Variants in OGFOD3 observed in about 807,000 individuals in gnomAD.
The protein encoded by OGFOD3 is 2-oxoglutarate and iron-dependent oxygenase domain-containing protein 3.
A neutral mutation model predicts 39.8 loss-of-function variants in OGFOD3; 35 were observed. The observed-to-expected ratio is 0.88, with a 90% CI of 0.67 to 1.17. The LOEUF (loss-of-function observed/expected upper bound fraction) is 1.17. Among genes scored for constraint, OGFOD3 ranks in the 50% most tolerant of loss-of-function variants. The pLI, the probability that OGFOD3 is intolerant of heterozygous loss-of-function variation, is 0.00. For synonymous variants in OGFOD3, 200 were observed against 192.0 expected, an observed-to-expected ratio of 1.04 and a Z score of -0.34; for missense variants, 438 against 454.5, an observed-to-expected ratio of 0.96 and a Z score of 0.33.
intron 8 of OGFOD3, among the ~76,000 whole-genome samples, chr17:82,394,897 G>A (rs941342311): frequency 3.3e-5 from 5 of 152,158 alleles, no homozygotes; most frequent in Admixed American, 2.0e-4. Context: ...TGACACCCCC[G>A]AATATCATCA....
intron 8 of OGFOD3, chr17:82,393,735 C>T (rs898009779): frequency 5.9e-5 from 9 of 152,230 alleles, no homozygotes; most frequent in Admixed American, 2.6e-4. Flanking sequence ...CCTCAGTCGC[C>T]CATGCTCGTC....
intron 1 of OGFOD3, among the ~76,000 whole-genome samples, chr17:82,417,969 C>T (rs2053096565): frequency 1.3e-5 from 2 of 152,218 alleles, no homozygotes; most frequent in South Asian, 2.1e-4. Context: ...CTAAGCCATT[C>T]CTCCATGGCA....
intron 4 of OGFOD3, among the ~76,000 whole-genome samples, 178 bp downstream of exon 4, chr17:82,409,190 C>T (rs1248750348): frequency 1.3e-5 from 2 of 152,220 alleles, no homozygotes; most frequent in East Asian, 1.9e-4. Context: ...GAGGGGACGC[C>T]GCACGGGTTT....
intron 8 of OGFOD3, chr17:82,394,233 G>A (rs1354648296): frequency 1.8e-5 from 16 of 886,548 alleles, no homozygotes; most frequent in East Asian, 8.0e-5. Flanking sequence ...CTCATGACCC[G>A]CCCGTCTTGG....
chr17:82,397,030 G>C (rs925928862), intron 8 of OGFOD3, among the ~76,000 whole-genome samples: 1 of 152,192 alleles, frequency 6.6e-6, no homozygotes, highest in African/African-American at 2.4e-5. Flanking sequence ...GAGCAGCTGA[G>C]GGAGGCAGGA....
rs189851824 is a variant in OGFOD3 at position 82,402,349 on chromosome 17, C to T, written c.699+1588G>A. Reference sequence around the variant, plus strand: ...ACTTGGGAGGCTGGGGCAGGAGAACCGCTTGAACCCAGGAGGCGGAGGTTG... The same window carrying T: ...ACTTGGGAGGCTGGGGCAGGAGAACTGCTTGAACCCAGGAGGCGGAGGTTG... On this transcript the variant is annotated intron_variant, in intron 7 of 8. Transcript: ENST00000313056. 1.8e-3 allele frequency among the ~76,000 whole-genome samples: 266 copies of T among 151,444 alleles called. 2 individuals carry two copies. Among genetic ancestry groups the T allele is most frequent in the African/African-American group, 6.1e-3 (253 of 41,246 alleles).
At position 82,406,070 on chromosome 17, in the gene OGFOD3, C is replaced by T. The variant is rs1045084871; in HGVS notation, c.488+348G>A. On this transcript the variant is annotated intron_variant, in intron 5 of 8. Transcript: ENST00000313056. The surrounding 1 kb of genome is among the most constrained non-coding windows in gnomAD (Gnocchi z 5.2). The stretch of plus-strand genomic sequence containing the variant: ...TTTGCTCTCCCGGCCCCTCATGGAG[C>T]GTCAAAGGCCCCGTTGGATTCTTGG... Among the ~76,000 whole-genome samples the T allele has an allele frequency of 2.0e-5, 3 of 152,170 alleles. No homozygotes were observed. Among genetic ancestry groups the T allele is most frequent in the Admixed American group, 6.5e-5 (1 of 15,278 alleles).
Position 82,406,749 on chromosome 17 carries a change from T to C in OGFOD3, c.424-267A>G, listed in dbSNP as rs1021054451. On this transcript the variant is annotated intron_variant, in intron 4 of 8. Transcript: ENST00000313056. The surrounding 1 kb of genome is among the most constrained non-coding windows in gnomAD (Gnocchi z 5.2). Reference sequence around the variant, plus strand: ...CCCTCTGCCTCCCAAGTAAAGGCGCTCGCCACCACACCTGGCTAATTTTTC... The same window carrying C: ...CCCTCTGCCTCCCAAGTAAAGGCGCCCGCCACCACACCTGGCTAATTTTTC... Among the ~76,000 whole-genome samples the C allele has an allele frequency of 6.6e-6, 1 of 152,090 alleles. No homozygotes were observed. Among genetic ancestry groups the C allele is most frequent in the Non-Finnish European group, 1.5e-5 (1 of 68,004 alleles).
In OGFOD3 at chr17:82,392,264, C is replaced by G. The variant is rs934824900; in HGVS notation, c.*134G>C. On this transcript the variant is annotated 3_prime_UTR_variant, in exon 9 of 9. Transcript: ENST00000313056. This position sits in a 1 kb window ranked among gnomAD's most constrained non-coding sequence, Gnocchi z 4.2. ...TTACTCACAGATGAAAAGATTAACA[C>G]GTCAGCAAATCAAAATCAGAGAATT... 1 of 964,766 alleles carries G rather than the reference C, an allele frequency of 1.0e-6. No individual in the cohort carries two copies. Among genetic ancestry groups the G allele is most frequent in the Non-Finnish European group, 1.5e-6 (1 of 658,264 alleles). 59.8% of individuals were successfully genotyped at this position (964,766 alleles called of 1,614,324 possible).
chr17:82,411,465 G>A lies in OGFOD3; in HGVS notation c.370C>T (p.Arg124Trp), dbSNP rs372667205. The change falls in exon 3 of 9, where the codon CGG (arginine) becomes TGG (tryptophan). Residue 124 changes from arginine to tryptophan, a missense_variant. By Grantham distance (101) the Arg-to-Trp change is moderately radical. Coordinates refer to ENST00000313056, the MANE Select transcript of OGFOD3 (RefSeq NM_024648.3). The part of the protein sequence containing the change: ...DVVITREEAE[R>W]IRSVAEKGLS... ...GGGACAGGCGGTTACCTGCGAATCC[G>A]CTCCGCTTCCTCCCTGGTGATGACG... The A allele has an allele frequency of 1.9e-6, 3 of 1,614,016 alleles. No individual in the cohort carries two copies. The highest frequency in any genetic ancestry group is 1.1e-5 in the South Asian group (1 of 91,078).
chr17:82,398,885 TC>T (rs2052719703), intron 7 of OGFOD3, among the ~76,000 whole-genome samples: 2 of 96,732 alleles, frequency 2.1e-5, no homozygotes, highest in Admixed American at 2.1e-4. Context: ...TTTTTTCTTT[TC>T]TATTTTTTTT....
At position 82,406,341 on chromosome 17, in the gene OGFOD3, C is replaced by T; in HGVS notation, c.488+77G>A. The T allele has an allele frequency of 2.2e-6, 3 of 1,345,088 alleles. No individual in the cohort carries two copies. Among genetic ancestry groups the T allele is most frequent in the Non-Finnish European group, 3.2e-6 (3 of 940,054 alleles). The allele number at this position is 1,345,088 out of a possible 1,614,324, so 83.3% of individuals were successfully genotyped here. ...CCTCCCTCACATGTCCACGTGTCCA[C>T]ATGTCCATGGCTAAGAGGCACGGAG... On this transcript the variant is annotated intron_variant, in intron 5 of 8. Coordinates refer to ENST00000313056, the MANE Select transcript of OGFOD3 (RefSeq NM_024648.3). The surrounding 1 kb of genome is among the most constrained non-coding windows in gnomAD (Gnocchi z 5.2).
chr17:82,417,917 C>T (rs2053095037), intron 1 of OGFOD3, among the ~76,000 whole-genome samples: 1 of 152,168 alleles, frequency 6.6e-6, no homozygotes, highest in Non-Finnish European at 1.5e-5. Flanking sequence ...TCACTAATAC[C>T]TGCAAACCAA....
Position 82,409,356 on chromosome 17 carries a change from C to T in OGFOD3, c.423+12G>A, listed in dbSNP as rs762348800. The T allele has an allele frequency of 5.6e-6, 9 of 1,613,434 alleles. No homozygotes were observed. The highest frequency in any genetic ancestry group is 1.1e-5 in the South Asian group (1 of 91,052). The stretch of plus-strand genomic sequence containing the variant: ...GGTAAAAAAAGGGGGGCAGGGACTA[C>T]ATTCAACTCACCCCTCCGTCAGATC... On this transcript the variant is annotated intron_variant, in intron 4 of 8. Transcript: ENST00000313056.
Position 82,392,358 on chromosome 17 carries a change from C to T in OGFOD3, c.*40G>A, listed in dbSNP as rs765476508. 6.3e-7 allele frequency: 1 copy of T among 1,594,190 alleles called. No homozygotes were observed. Among genetic ancestry groups the T allele is most frequent in the African/African-American group, 1.3e-5 (1 of 74,620 alleles). ...GGTGCACGACTGGCGCGGCTGCCTC[C>T]ACACGGGCCCTCCTGAAGTTACCTT... On this transcript the variant is annotated 3_prime_UTR_variant, in exon 9 of 9. Transcript: ENST00000313056. This position sits in a 1 kb window ranked among gnomAD's most constrained non-coding sequence, Gnocchi z 4.2.
At chr17:82,414,755 C>A (rs939280963) in intron 2 of OGFOD3, among the ~76,000 whole-genome samples, 1 of 152,240 alleles carries the variant, frequency 6.6e-6, no homozygotes. Flanking sequence ...CTGAATTCTG[C>A]CTCAAAAACC....
Position 82,392,539 on chromosome 17 carries a change from G to A in OGFOD3, c.824-5C>T, listed in dbSNP as rs543030654. 82 of 1,577,332 alleles carry A rather than the reference G, an allele frequency of 5.2e-5. No individual in the cohort carries two copies. Among genetic ancestry groups the A allele is most frequent in the South Asian group, 4.1e-4 (35 of 86,042 alleles). On this transcript the variant is annotated splice_polypyrimidine_tract_variant and splice_region_variant and intron_variant, in intron 8 of 8. Coordinates refer to ENST00000313056, the MANE Select transcript of OGFOD3 (RefSeq NM_024648.3). This position sits in a 1 kb window ranked among gnomAD's most constrained non-coding sequence, Gnocchi z 4.2. ...AGGTGAAGAAGGAGACGCGACCTGGGAGAGGAGAAGAGAGAGAGGTGGCCA... is the reference window on the plus strand; with the variant it reads ...AGGTGAAGAAGGAGACGCGACCTGGAAGAGGAGAAGAGAGAGAGGTGGCCA...
intron 8 of OGFOD3, among the ~76,000 whole-genome samples, chr17:82,395,796 G>A (rs954042849): frequency 2.0e-5 from 3 of 152,188 alleles, no homozygotes; most frequent in African/African-American, 7.2e-5. Flanking sequence ...ACTCCAGCCT[G>A]GGCGACAGAG....
intron 7 of OGFOD3, 146 bp from the exon 8 acceptor site, chr17:82,398,465 T>A (rs2052714111): frequency 1.0e-6 from 1 of 955,178 alleles, no homozygotes; most frequent in East Asian, 2.8e-5. Flanking sequence ...AGTGATGCGA[T>A]CTCGGCTCAC....
Sources: allele counts gnomAD v4.1 joint callset (sites outside exome capture counted in the v4.1 genomes callset), GRCh38; gene constraint gnomAD v4.1.1; non-coding constraint Gnocchi (gnomAD v3.1); transcripts MANE v1.5; gene names NCBI Gene and HGNC (gene_info 2026-07-23, HGNC 2026-07-21).